The following CHCHD6 variants were observed in gnomAD, a reference collection of about 807,000 sequenced individuals.
The protein encoded by CHCHD6 is coiled-coil-helix-coiled-coil-helix domain containing 6.
In CHCHD6, 28 loss-of-function variants were observed where a neutral mutation model predicts 32.3. That is an observed-to-expected ratio of 0.87 (90% CI 0.64 to 1.19). CHCHD6 has a LOEUF of 1.19. CHCHD6 is among the 50% of genes most tolerant of loss of function. The pLI, the probability that CHCHD6 is intolerant of heterozygous loss-of-function variation, is 0.00. For missense variants in CHCHD6, 333 were observed against 307.0 expected, an observed-to-expected ratio of 1.08 and a Z score of -0.63; for synonymous variants, 122 against 117.5, an observed-to-expected ratio of 1.04 and a Z score of -0.25.
At chr3:126,741,224 G>A (rs1191126172) in intron 4 of CHCHD6, among the ~76,000 whole-genome samples, 3 of 152,214 alleles carry the variant, frequency 2.0e-5, no homozygotes, top group Non-Finnish European at 4.4e-5. Flanking sequence ...CCTGCAAGGT[G>A]AGGGGCAGGC....
chr3:126,825,252 TTA>T (rs1559866375), intron 4 of CHCHD6, among the ~76,000 whole-genome samples: 1 of 152,200 alleles, frequency 6.6e-6, no homozygotes, highest in Non-Finnish European at 1.5e-5. Context: ...TATTTCTAGT[TTA>T]ATTTCATGGT....
At chr3:126,848,881 C>G (rs1410295767) in intron 4 of CHCHD6, among the ~76,000 whole-genome samples, 2 of 152,158 alleles carry the variant, frequency 1.3e-5, no homozygotes, top group Admixed American at 6.5e-5. Context: ...TTTAGAAATT[C>G]TATTTCTTCC....
chr3:126,805,045 G>A lies in CHCHD6; in HGVS notation c.412-47602G>A, dbSNP rs548960006. ...TCAATAAATTAGGTATTGATGGGAC[G>A]TATCTCAAAATAATACGAGATATTT... On this transcript the variant is annotated intron_variant, in intron 4 of 7. Transcript: ENST00000290913. Among the ~76,000 whole-genome samples the A allele has an allele frequency of 5.8e-3, 882 of 152,150 alleles. 4 individuals are homozygous for A. The highest frequency in any genetic ancestry group is 0.021 in the African/African-American group (853 of 41,492).
intron 6 of CHCHD6, among the ~76,000 whole-genome samples, chr3:126,923,554 C>T (rs1006798161): frequency 6.6e-6 from 1 of 152,224 alleles, no homozygotes; most frequent in Non-Finnish European, 1.5e-5. Context: ...TGGATCAAGG[C>T]CCTGAACGGT....
At chr3:126,924,288 G>C (rs2107595448) in intron 6 of CHCHD6, among the ~76,000 whole-genome samples, 1 of 152,334 alleles carries the variant, frequency 6.6e-6, no homozygotes, top group South Asian at 2.1e-4. Context: ...TCTGAAAAAG[G>C]TATGTTCCTG....
intron 1 of CHCHD6, among the ~76,000 whole-genome samples, chr3:126,717,080 C>T (rs919550938): frequency 4.6e-5 from 7 of 152,148 alleles, no homozygotes; most frequent in Admixed American, 2.0e-4. Context: ...GCACGCAGGC[C>T]GGGGTCAGGC....
Position 126,777,018 on chromosome 3 carries a change from C to T in CHCHD6, c.411+43796C>T, listed in dbSNP as rs1028992999. On this transcript the variant is annotated intron_variant, in intron 4 of 7. Transcript: ENST00000290913. Reference sequence around the variant, plus strand: ...TCCCTGCCGCTCTATGCCTTTGAGCCAGCCCACCTGTCTCAGTCTCTTCCA... The same window carrying T: ...TCCCTGCCGCTCTATGCCTTTGAGCTAGCCCACCTGTCTCAGTCTCTTCCA... Among the ~76,000 whole-genome samples the T allele has an allele frequency of 2.0e-5, 3 of 152,114 alleles. No individual in the cohort carries two copies. The East Asian group carries it at 5.8e-4, about 29-fold the overall frequency.
chr3:126,786,853 C>T (rs1938238200), intron 4 of CHCHD6, among the ~76,000 whole-genome samples: 1 of 151,946 alleles, frequency 6.6e-6, no homozygotes, highest in South Asian at 2.1e-4. Flanking sequence ...TCAATTTTGG[C>T]TTTTGTTGCC....
At chr3:126,914,629 G>A (rs768916712) in intron 5 of CHCHD6, 51 bp from the exon 6 acceptor site, 1 of 998,336 alleles carries the variant, frequency 1.0e-6, no homozygotes, top group Admixed American at 1.7e-5. Context: ...CCATTAGAGA[G>A]CAGAGGGAAA....
chr3:126,786,965 A>G (rs943975713), intron 4 of CHCHD6, among the ~76,000 whole-genome samples: 13 of 152,274 alleles, frequency 8.5e-5, no homozygotes, highest in Middle Eastern at 3.4e-3. Context: ...TAGGTCTAAC[A>G]TTTAAGTCTT....
At chr3:126,837,785 G>A (rs900980266) in intron 4 of CHCHD6, among the ~76,000 whole-genome samples, 7 of 152,196 alleles carry the variant, frequency 4.6e-5, no homozygotes, top group Non-Finnish European at 1.0e-4. Flanking sequence ...TTGCTAAGAG[G>A]AAGGAAGGCT....
intron 5 of CHCHD6, among the ~76,000 whole-genome samples, chr3:126,880,398 A>G (rs1349831034): frequency 6.6e-6 from 1 of 152,104 alleles, no homozygotes; most frequent in East Asian, 1.9e-4. Context: ...GTGGTGGCCA[A>G]CCCCATCAGA....
intron 2 of CHCHD6, among the ~76,000 whole-genome samples, chr3:126,729,404 CAGAA>C (rs1226991288): frequency 6.6e-6 from 1 of 152,164 alleles, no homozygotes; most frequent in Admixed American, 6.5e-5. Flanking sequence ...CAGGGGCACA[CAGAA>C]AGGGCAGTGA....
chr3:126,767,225 T>C (rs1937409807), intron 4 of CHCHD6: 1 of 1,526,282 alleles, frequency 6.6e-7, no homozygotes, highest in Non-Finnish European at 9.1e-7. Context: ...TGGCTGGCCA[T>C]TGTATATTAT....
At chr3:126,825,969 T>C (rs1296324187) in intron 4 of CHCHD6, among the ~76,000 whole-genome samples, 1 of 152,220 alleles carries the variant, frequency 6.6e-6, no homozygotes, top group Non-Finnish European at 1.5e-5. Flanking sequence ...TGAAGGACTC[T>C]TTCCAAATTT....
chr3:126,863,950 ACCTCCTCCTCCACCATCACCACCT>A (rs1942111196), intron 5 of CHCHD6, among the ~76,000 whole-genome samples: 2 of 86,912 alleles, frequency 2.3e-5, no homozygotes, highest in African/African-American at 4.8e-5. Context: ...CACCATCACC[ACCTCCTCCTCCACCATCACCACCT>A]CCTCCTCCTC....
rs536466189 is a variant in CHCHD6, at chr3:126,847,857, C to T, written c.412-4790C>T. ...TTCTACTCTGGCTTCCGTCCTCCTT[C>T]CCCTCTCTTACCCCCTTGTCCTCTC... On this transcript the variant is annotated intron_variant, in intron 4 of 7. Coordinates refer to ENST00000290913, the MANE Select transcript of CHCHD6 (RefSeq NM_032343.3). 1.9e-3 allele frequency among the ~76,000 whole-genome samples: 291 copies of T among 152,268 alleles called. 1 individual carries two copies. Among genetic ancestry groups the T allele is most frequent in the African/African-American group, 6.5e-3 (271 of 41,544 alleles).
intron 5 of CHCHD6, among the ~76,000 whole-genome samples, chr3:126,899,100 C>T (rs2077883511): frequency 1.3e-5 from 2 of 152,144 alleles, no homozygotes; most frequent in Admixed American, 1.3e-4. Flanking sequence ...GAGTAGACTG[C>T]GTAGCTCAGG....
chr3:126,781,560 C>T (rs934244318), intron 4 of CHCHD6, among the ~76,000 whole-genome samples: 9 of 152,164 alleles, frequency 5.9e-5, no homozygotes, highest in Non-Finnish European at 1.0e-4. Context: ...GTTTTGGAGT[C>T]CAGTTGAGCA....
Sources: gnomAD v4.1 joint callset for allele counts (sites outside exome capture counted in the v4.1 genomes callset) on GRCh38, gnomAD v4.1.1 for gene constraint, MANE v1.5 for transcripts, NCBI Gene and HGNC (gene_info 2026-07-23, HGNC 2026-07-21) for gene names.